The following MTMR3 variants were observed in gnomAD, a reference collection of about 807,000 sequenced individuals.
MTMR3 encodes myotubularin related protein 3.
MTMR3 carries 32 observed loss-of-function variants against 132.4 expected under a neutral mutation model. The ratio of observed to expected loss-of-function variants is 0.24; its 90% CI spans 0.18 to 0.32. MTMR3 has a LOEUF of 0.32. MTMR3 is among the 10% of genes least tolerant of loss of function. The pLI is 1.00. For synonymous variants in MTMR3, 556 were observed against 550.3 expected (o/e 1.01, Z -0.14); for missense variants, 1,216 against 1,489.6 (o/e 0.82, Z 3.02).
At chr22:29,892,014 G>A (rs1001345267) in intron 1 of MTMR3, among the ~76,000 whole-genome samples, 4 of 151,962 alleles carry the variant, frequency 2.6e-5, no homozygotes, top group Non-Finnish European at 5.9e-5. Flanking sequence ...TTAGCCCAGC[G>A]TGGTGGCACG....
chr22:30,005,812 TAGCCC>T (rs2145933209), intron 9 of MTMR3: 1 of 152,308 alleles, frequency 6.6e-6, no homozygotes, highest in Non-Finnish European at 1.5e-5. Flanking sequence ...CCAGCCACCC[TAGCCC>T]TGAATAATTA....
chr22:30,022,456 CG>C, intron 18 of MTMR3, 152 bp from the exon 19 acceptor site: 1 of 674,754 alleles, frequency 1.5e-6, no homozygotes, highest in Non-Finnish European at 2.6e-6. Flanking sequence ...ACGATTTGGA[CG>C]CCTTTCTTGT....
intron 1 of MTMR3, among the ~76,000 whole-genome samples, chr22:29,948,623 A>G (rs1794589099): frequency 6.6e-6 from 1 of 152,096 alleles, no homozygotes; most frequent in Admixed American, 6.5e-5. Flanking sequence ...TGGAAAAGAA[A>G]CCTCTTAGGC....
rs559149375 is a variant in MTMR3 at position 30,023,226 on chromosome 22, C to T, written c.3425+529C>T. On this transcript the variant is annotated intron_variant, in intron 19 of 19. Coordinates refer to ENST00000401950, the MANE Select transcript of MTMR3 (RefSeq NM_021090.4). ...GTTAGGGTAGTGAGTTTACTAGGGA[C>T]CCTTTGCCCCAGCTAGGGTGTTGAC... is the stretch of plus-strand genomic sequence containing the variant. 28 of 570,852 alleles carry T rather than the reference C, an allele frequency of 4.9e-5. No homozygotes were observed. In the South Asian group the frequency reaches 5.4e-4, roughly 11 times the overall value. 35.4% of individuals were successfully genotyped at this position (570,852 alleles called of 1,614,324 possible).
chr22:29,972,548 A>G (rs2066555620), intron 3 of MTMR3, among the ~76,000 whole-genome samples: 1 of 152,202 alleles, frequency 6.6e-6, no homozygotes, highest in Admixed American at 6.5e-5. Flanking sequence ...TTATAACTCT[A>G]CCACCAGAAC....
intron 1 of MTMR3, among the ~76,000 whole-genome samples, chr22:29,936,882 C>T (rs1271556285): frequency 6.6e-6 from 1 of 152,002 alleles, no homozygotes; most frequent in Non-Finnish European, 1.5e-5. Context: ...AAAAATATGG[C>T]CCCTCATGCT....
intron 1 of MTMR3, among the ~76,000 whole-genome samples, chr22:29,903,390 C>CTTTTTTTTTTTTT (rs35625964): frequency 8.4e-6 from 1 of 119,708 alleles, no homozygotes; most frequent in African/African-American, 3.1e-5. Flanking sequence ...CTTTTTCTTT[C>CTTTTTTTTTTTTT]TTTTTTTTTT....
At chr22:29,914,684 A>G (rs560822394) in intron 1 of MTMR3, among the ~76,000 whole-genome samples, 43 of 152,222 alleles carry the variant, frequency 2.8e-4, no homozygotes, top group African/African-American at 1.0e-3. Context: ...AAGGTCACTA[A>G]TATTTTCTTA....
intron 12 of MTMR3, 184 bp downstream of exon 12, chr22:30,009,313 T>C: frequency 1.8e-6 from 1 of 567,224 alleles, no homozygotes. Context: ...GTCTGAAATG[T>C]GGCAGCACAG....
At position 30,027,728 on chromosome 22, in the gene MTMR3, T is replaced by A. The variant is rs543736427; in HGVS notation, c.*1927T>A. 4.4e-4 allele frequency: 67 copies of A among 152,918 alleles called. No homozygotes were observed. The highest frequency in any genetic ancestry group is 7.8e-4 in the Non-Finnish European group (53 of 68,040). The allele number at this position is 152,918 out of a possible 1,614,324, so 9.5% of individuals were successfully genotyped here. A position where few individuals can be genotyped will look rare whatever the true frequency, so the allele number is the denominator to read the frequency against. On this transcript the variant is annotated 3_prime_UTR_variant, in exon 20 of 20. Coordinates refer to ENST00000401950, the MANE Select transcript of MTMR3 (RefSeq NM_021090.4). The stretch of plus-strand genomic sequence containing the variant: ...CCGTAACTCTCCATAGCTGTACATA[T>A]AACCCTTTTCTCCTAAAGAGGAGTC...
At chr22:29,928,299 G>A (rs2065566428) in intron 1 of MTMR3, among the ~76,000 whole-genome samples, 2 of 150,752 alleles carry the variant, frequency 1.3e-5, no homozygotes, top group South Asian at 4.2e-4. Flanking sequence ...AGCCTCCCTA[G>A]TAGCTGGGGT....
chr22:29,957,860 A>G (rs1004089004), intron 2 of MTMR3, among the ~76,000 whole-genome samples: 9 of 152,180 alleles, frequency 5.9e-5, no homozygotes, highest in African/African-American at 2.2e-4. Context: ...AAAGAGAGAC[A>G]CTACACATTC....
At chr22:29,915,546 T>C (rs1779967207) in intron 1 of MTMR3, among the ~76,000 whole-genome samples, 1 of 152,158 alleles carries the variant, frequency 6.6e-6, no homozygotes, top group Admixed American at 6.5e-5. Context: ...CTCAGCCTCC[T>C]GAGGAGCTGG....
At chr22:29,948,799 T>TA (rs35433786) in intron 1 of MTMR3, among the ~76,000 whole-genome samples, 112,990 of 145,406 alleles carry the variant, frequency 0.78, 44,008 homozygotes, top group East Asian at 0.91. Flanking sequence ...TATTATTGTC[T>TA]AAAAAAAAAA....
intron 17 of MTMR3, 101 bp downstream of exon 17, chr22:30,020,985 A>C: frequency 4.3e-6 from 5 of 1,166,416 alleles, no homozygotes; most frequent in Non-Finnish European, 6.0e-6. Flanking sequence ...ACAGGTTGTT[A>C]AAGGATTGGA....
intron 1 of MTMR3, among the ~76,000 whole-genome samples, chr22:29,942,343 T>C (rs570852930): frequency 5.9e-5 from 9 of 152,220 alleles, no homozygotes; most frequent in African/African-American, 1.9e-4. Flanking sequence ...TTCATTTGCT[T>C]CACAAGGTAA....
Position 30,020,896 on chromosome 22 carries a change from G to A in MTMR3, c.3225+12G>A, listed in dbSNP as rs1430999577. 6.4e-7 allele frequency: 1 copy of A among 1,565,644 alleles called. No individual in the cohort carries two copies. Among genetic ancestry groups the A allele is most frequent in the Middle Eastern group, 1.7e-4 (1 of 5,846 alleles). On this transcript the variant is annotated intron_variant, in intron 17 of 19. Transcript: ENST00000401950. ...TTGGGGATGAGGTGGTGAGTAGGCT[G>A]TGGTATTCCTCCATAGCTGCCCAAG...
intron 1 of MTMR3, among the ~76,000 whole-genome samples, chr22:29,931,607 G>T (rs1219246981): frequency 6.6e-6 from 1 of 152,084 alleles, no homozygotes; most frequent in Non-Finnish European, 1.5e-5. Context: ...TAGAGATGGG[G>T]TTCCACCATA....
chr22:29,945,712 G>GAAAAAAAAAAAAAAAAAAAA (rs1238843477), intron 1 of MTMR3, among the ~76,000 whole-genome samples: 48 of 78,076 alleles, frequency 6.1e-4, no homozygotes, highest in African/African-American at 2.9e-3. Context: ...TCTTTAAAAT[G>GAAAAAAAAAAAAAAAAAAAA]AAAAAGAAAA....
Sources: allele counts gnomAD v4.1 joint callset (sites outside exome capture counted in the v4.1 genomes callset), GRCh38; gene constraint gnomAD v4.1.1; transcripts MANE v1.5; gene names NCBI Gene and HGNC (gene_info 2026-07-23, HGNC 2026-07-21).